Variants in PRKN observed in about 807,000 individuals in gnomAD.
PRKN encodes the protein E3 ubiquitin-protein ligase parkin.
In PRKN, 56 loss-of-function variants were observed where a neutral mutation model predicts 59.5. That is an observed-to-expected ratio of 0.94 (90% CI 0.76 to 1.18). PRKN has a LOEUF of 1.18. Ranked by LOEUF, PRKN falls within the 50% of genes most tolerant of loss-of-function variation. The pLI is 0.00. For missense variants in PRKN, 657 were observed against 596.4 expected, an observed-to-expected ratio of 1.10 and a Z score of -1.06; for synonymous variants, 250 against 222.1, an observed-to-expected ratio of 1.13 and a Z score of -1.12.
At position 161,789,628 on chromosome 6, in the gene PRKN, T is replaced by C. The variant is rs9347541; in HGVS notation, c.735-3720A>G. Among the ~76,000 whole-genome samples the C allele has an allele frequency of 5.3e-4, 81 of 152,354 alleles. 1 individual carries two copies. In the East Asian group the frequency reaches 0.012, roughly 23 times the overall value. ...TTTCTTTACCTTTCTTCAATAGTTA[T>C]TTAAAAAGTTCATCTGTAATGTACT... is the stretch of plus-strand genomic sequence containing the variant. On this transcript the variant is annotated intron_variant, in intron 6 of 11. Coordinates refer to ENST00000366898, the MANE Select transcript of PRKN (RefSeq NM_004562.3).
intron 6 of PRKN, among the ~76,000 whole-genome samples, chr6:161,788,455 C>A (rs755179434): frequency 6.6e-6 from 1 of 152,174 alleles, no homozygotes; most frequent in Non-Finnish European, 1.5e-5. Flanking sequence ...GCTGCAGATG[C>A]GGTGGGTCCA....
chr6:162,165,139 A>G (rs1782920901), intron 4 of PRKN, among the ~76,000 whole-genome samples: 1 of 149,088 alleles, frequency 6.7e-6, no homozygotes, highest in Non-Finnish European at 1.5e-5. Context: ...CTGCATATCC[A>G]TATAGATATC....
intron 2 of PRKN, among the ~76,000 whole-genome samples, chr6:162,282,263 A>G (rs1034991340): frequency 6.6e-6 from 1 of 152,158 alleles, no homozygotes; most frequent in African/African-American, 2.4e-5. Flanking sequence ...AACATTTTAC[A>G]ACAAAGATCC....
intron 6 of PRKN, among the ~76,000 whole-genome samples, chr6:161,902,435 G>A (rs1777952157): frequency 6.6e-6 from 1 of 152,078 alleles, no homozygotes; most frequent in Admixed American, 6.6e-5. Context: ...ATTTCATATG[G>A]TTTTGCTTAT....
At chr6:162,610,357 T>C (rs921661157) in intron 1 of PRKN, among the ~76,000 whole-genome samples, 2 of 152,202 alleles carry the variant, frequency 1.3e-5, no homozygotes, top group African/African-American at 4.8e-5. Context: ...CAGGATTTTA[T>C]TTGTAAAAAT....
chr6:162,640,444 T>C (rs1562460517), intron 1 of PRKN, among the ~76,000 whole-genome samples: 1 of 152,094 alleles, frequency 6.6e-6, no homozygotes, highest in Non-Finnish European at 1.5e-5. Flanking sequence ...GAGATACCAC[T>C]AAAAATGTTT....
intron 7 of PRKN, among the ~76,000 whole-genome samples, chr6:161,634,219 G>C (rs902847234): frequency 3.3e-5 from 5 of 152,174 alleles, no homozygotes; most frequent in Non-Finnish European, 7.3e-5. Context: ...GTAACCACAA[G>C]GTCTGGATGA....
At chr6:161,506,937 C>T (rs1374225918) in intron 9 of PRKN, among the ~76,000 whole-genome samples, 1 of 152,090 alleles carries the variant, frequency 6.6e-6, no homozygotes, top group African/African-American at 2.4e-5. Flanking sequence ...GGAGCAGCCT[C>T]ACAGGAGGCT....
At chr6:162,679,678 G>T (rs2156257) in intron 1 of PRKN, among the ~76,000 whole-genome samples, 12,914 of 152,106 alleles carry the variant, frequency 0.085, 689 homozygotes, top group Middle Eastern at 0.18. Flanking sequence ...CAACTATTCT[G>T]GGAGACAATG....
At chr6:162,716,068 C>A (rs996961129) in intron 1 of PRKN, among the ~76,000 whole-genome samples, 5 of 152,170 alleles carry the variant, frequency 3.3e-5, no homozygotes, top group African/African-American at 1.2e-4. Context: ...TAGATACGCA[C>A]GCCTAGTGCC....
chr6:162,680,556 G>C (rs899387114), intron 1 of PRKN, among the ~76,000 whole-genome samples: 14 of 151,996 alleles, frequency 9.2e-5, no homozygotes, highest in African/African-American at 3.4e-4. Context: ...TCTTTTAGAG[G>C]TACCAGATCT....
intron 1 of PRKN, among the ~76,000 whole-genome samples, chr6:162,469,429 T>C (rs978969143): frequency 3.3e-5 from 5 of 151,348 alleles, no homozygotes; most frequent in South Asian, 2.1e-4. Flanking sequence ...CAGTTCCAGG[T>C]TGCAAAAATG....
rs1012608122 is a variant in PRKN at position 161,372,271 on chromosome 6, T to C, written c.1168-12066A>G. 2.0e-5 allele frequency among the ~76,000 whole-genome samples: 3 copies of C among 152,220 alleles called. No individual in the cohort carries two copies. Among genetic ancestry groups the C allele is most frequent in the African/African-American group, 7.2e-5 (3 of 41,462 alleles). On this transcript the variant is annotated intron_variant, in intron 10 of 11. Coordinates refer to ENST00000366898, the MANE Select transcript of PRKN (RefSeq NM_004562.3). This position sits in a 1 kb window ranked among gnomAD's most constrained non-coding sequence, Gnocchi z 4.2. ...ATATGCTGATTTGTATTTTTGATAA[T>C]GACATTCTCTAGTTTTTGGTTGGCT...
At chr6:162,258,804 G>A (rs753193992) in intron 3 of PRKN, among the ~76,000 whole-genome samples, 1 of 152,120 alleles carries the variant, frequency 6.6e-6, no homozygotes, top group East Asian at 1.9e-4. Context: ...GTTCTTTGAC[G>A]TCCTCTTACA....
At chr6:162,658,886 A>G (rs6455843) in intron 1 of PRKN, among the ~76,000 whole-genome samples, 27,487 of 151,952 alleles carry the variant, frequency 0.18, 3,086 homozygotes, top group East Asian at 0.47. Flanking sequence ...AAATGGGTGC[A>G]TGTATTTTAA....
chr6:162,236,534 C>T (rs1778725881), intron 3 of PRKN, among the ~76,000 whole-genome samples: 1 of 152,022 alleles, frequency 6.6e-6, no homozygotes, highest in African/African-American at 2.4e-5. Flanking sequence ...CGCCTGTATC[C>T]TAGCACTTTG....
rs74701717 is a variant in PRKN, at chr6:161,349,279, T to A, written c.*820A>T. On this transcript the variant is annotated 3_prime_UTR_variant, in exon 12 of 12. Transcript: ENST00000366898. The surrounding 1 kb of genome is among the most constrained non-coding windows in gnomAD (Gnocchi z 5.5). ...CAAGTTGCAAAATGAATACTCAGAA[T>A]CAAACTATAGATTTTTTGGTGATAC... 0.019 allele frequency: 4,274 copies of A among 226,316 alleles called. 130 individuals are homozygous for A. Among genetic ancestry groups the A allele is most frequent in the African/African-American group, 0.071 (3,201 of 45,104 alleles). The allele number at this position is 226,316 out of a possible 1,614,324, so 14.0% of individuals were successfully genotyped here.
At chr6:162,311,711 A>G (rs1782526974) in intron 2 of PRKN, among the ~76,000 whole-genome samples, 1 of 151,824 alleles carries the variant, frequency 6.6e-6, no homozygotes, top group East Asian at 1.9e-4. Context: ...AATAATTATT[A>G]TGTCATATTC....
Position 161,557,802 on chromosome 6 carries a change from C to A in PRKN, c.934-8799G>T, listed in dbSNP as rs529050797. 1.1e-3 allele frequency among the ~76,000 whole-genome samples: 173 copies of A among 152,290 alleles called. 1 individual carries two copies. Among genetic ancestry groups the A allele is most frequent in the African/African-American group, 4.0e-3 (166 of 41,556 alleles). On this transcript the variant is annotated intron_variant, in intron 8 of 11. Transcript: ENST00000366898. ...TGCCAGCCATCCAGGAGCTATGTGGCCCCCTTTCAGGTCCTCCAAGCTAAG... is the reference window on the plus strand; with the variant it reads ...TGCCAGCCATCCAGGAGCTATGTGGACCCCTTTCAGGTCCTCCAAGCTAAG...
Sources: gnomAD v4.1 joint callset for allele counts (sites outside exome capture counted in the v4.1 genomes callset) on GRCh38, gnomAD v4.1.1 for gene constraint, Gnocchi (gnomAD v3.1) non-coding constraint, MANE v1.5 for transcripts, NCBI Gene and HGNC (gene_info 2026-07-23, HGNC 2026-07-21) for gene names.